Variants in IFNG-AS1 observed in about 807,000 individuals in gnomAD.
The protein encoded by IFNG-AS1 is IFNG regulatory antisense RNA 1.
At chr12:68,008,308 C>T (rs969397873) in intron 3 of IFNG-AS1, among the ~76,000 whole-genome samples, 1 of 151,568 alleles carries the variant, frequency 6.6e-6, no homozygotes, top group Admixed American at 6.6e-5. Flanking sequence ...CCCAGCTACT[C>T]GGGAGGCTGA....
intron 2 of IFNG-AS1, among the ~76,000 whole-genome samples, chr12:68,005,297 G>T (rs1198140273): frequency 1.3e-5 from 2 of 152,144 alleles, no homozygotes; most frequent in African/African-American, 4.8e-5. Flanking sequence ...TCCTTAGAGG[G>T]TTTACACCCT....
Position 68,005,214 on chromosome 12 carries a change from A to G in IFNG-AS1, n.185-876A>G, listed in dbSNP as rs547519413. Among the ~76,000 whole-genome samples, 7 of 152,318 alleles carry G rather than the reference A, an allele frequency of 4.6e-5. No individual in the cohort carries two copies. The East Asian group carries it at 1.4e-3, about 29-fold the overall frequency. ...TGCCTGCACCTACTCTCCAGAGGGAAGATCTCTGTGTCCCTCTTGAAACCA... is the reference window on the plus strand; with the variant it reads ...TGCCTGCACCTACTCTCCAGAGGGAGGATCTCTGTGTCCCTCTTGAAACCA... On this transcript the variant is annotated intron_variant and non_coding_transcript_variant, in intron 2 of 5. Coordinates refer to ENST00000536914, the Ensembl canonical transcript of IFNG-AS1.
intron 2 of IFNG-AS1, among the ~76,000 whole-genome samples, chr12:67,999,452 A>G (rs961169896): frequency 1.3e-5 from 2 of 152,218 alleles, no homozygotes; most frequent in African/African-American, 4.8e-5. Context: ...ATCTTGTGCC[A>G]GAAAGAAAAG....
chr12:68,016,940 C>T (rs1880169464), intron 3 of IFNG-AS1, among the ~76,000 whole-genome samples: 1 of 152,204 alleles, frequency 6.6e-6, no homozygotes, highest in Non-Finnish European at 1.5e-5. Flanking sequence ...TCCCTATCCT[C>T]ATGGAACTTT....
At chr12:68,007,809 T>C (rs740050) in intron 3 of IFNG-AS1, among the ~76,000 whole-genome samples, 56,478 of 151,948 alleles carry the variant, frequency 0.37, 11,532 homozygotes, top group Middle Eastern at 0.5. Flanking sequence ...GAGGCAGAGA[T>C]AGAGAAAGAC....
intron 3 of IFNG-AS1, among the ~76,000 whole-genome samples, chr12:68,012,148 C>T (rs747172373): frequency 3.3e-5 from 5 of 152,078 alleles, no homozygotes; most frequent in African/African-American, 7.2e-5. Flanking sequence ...TACTAGATTG[C>T]GGTTTACAGG....
At chr12:68,000,203 G>A (rs895188676) in intron 2 of IFNG-AS1, among the ~76,000 whole-genome samples, 1 of 152,096 alleles carries the variant, frequency 6.6e-6, no homozygotes. Flanking sequence ...TGGGAGTTCT[G>A]TGTACTGGCA....
intron 2 of IFNG-AS1, among the ~76,000 whole-genome samples, chr12:68,003,921 A>C (rs907746501): frequency 1.3e-4 from 12 of 89,518 alleles, no homozygotes; most frequent in Non-Finnish European, 2.8e-4. Context: ...AAAAAAAAAA[A>C]GAATCCGTAT....
chr12:67,998,541 G>T (rs1382670389), intron 2 of IFNG-AS1, among the ~76,000 whole-genome samples: 1 of 151,900 alleles, frequency 6.6e-6, no homozygotes, highest in Non-Finnish European at 1.5e-5. Flanking sequence ...GGGTGCAGGG[G>T]ATGATGGGGG....
At chr12:68,006,368 T>C (rs909369029) in intron 3 of IFNG-AS1, among the ~76,000 whole-genome samples, 13 of 152,372 alleles carry the variant, frequency 8.5e-5, no homozygotes, top group African/African-American at 3.1e-4. Flanking sequence ...GAAATTTTTA[T>C]GTATAAAACA....
intron 3 of IFNG-AS1, among the ~76,000 whole-genome samples, chr12:68,007,373 T>C (rs1269498214): frequency 2.0e-5 from 3 of 152,212 alleles, no homozygotes; most frequent in African/African-American, 7.2e-5. Context: ...AAGACTTTCT[T>C]CATATACCCC....
chr12:67,997,481 C>T (rs555913850), intron 2 of IFNG-AS1, among the ~76,000 whole-genome samples: 3 of 151,596 alleles, frequency 2.0e-5, no homozygotes, highest in Non-Finnish European at 4.4e-5. Flanking sequence ...ACACCATATA[C>T]AAGCATAAAG....
chr12:67,991,705 G>C (rs143150664), intron 1 of IFNG-AS1, among the ~76,000 whole-genome samples: 2 of 152,324 alleles, frequency 1.3e-5, no homozygotes, highest in African/African-American at 4.8e-5. Flanking sequence ...GTCTCAGTCA[G>C]TACTTCGTAC....
chr12:68,006,559 T>C (rs1342623768), intron 3 of IFNG-AS1, among the ~76,000 whole-genome samples: 3 of 152,198 alleles, frequency 2.0e-5, no homozygotes, highest in African/African-American at 4.8e-5. Flanking sequence ...GTTTCATCCA[T>C]AATTAGGTTA....
chr12:68,003,652 C>T (rs533769310), intron 2 of IFNG-AS1, among the ~76,000 whole-genome samples: 23 of 152,210 alleles, frequency 1.5e-4, no homozygotes, highest in Admixed American at 9.8e-4. Flanking sequence ...TGGTGGCTCA[C>T]GCCTGTAATC....
intron 2 of IFNG-AS1, among the ~76,000 whole-genome samples, chr12:67,998,159 G>A (rs1034573882): frequency 4.0e-5 from 6 of 151,828 alleles, no homozygotes; most frequent in African/African-American, 7.2e-5. Context: ...ATACACCTCC[G>A]ATAAGGCAAA....
chr12:68,005,189 TGC>T (rs1879877855), intron 2 of IFNG-AS1, among the ~76,000 whole-genome samples: 1 of 152,194 alleles, frequency 6.6e-6, no homozygotes, highest in Admixed American at 6.5e-5. Flanking sequence ...CGGGTAATAA[TGC>T]CTGCACCTAC....
chr12:68,009,531 C>T (rs967642535), intron 3 of IFNG-AS1, among the ~76,000 whole-genome samples: 28 of 152,030 alleles, frequency 1.8e-4, no homozygotes, highest in Admixed American at 1.0e-3. Flanking sequence ...TTAGTAGAGA[C>T]GGGATTTCAC....
chr12:68,009,732 A>G (rs1423073124), intron 3 of IFNG-AS1, among the ~76,000 whole-genome samples: 1 of 152,120 alleles, frequency 6.6e-6, no homozygotes, highest in Non-Finnish European at 1.5e-5. Flanking sequence ...GCTCTCCTCC[A>G]TGCAGTCATT....
Sources: allele counts gnomAD v4.1 joint callset (sites outside exome capture counted in the v4.1 genomes callset), GRCh38; gene constraint gnomAD v4.1.1; transcripts MANE v1.5; gene names NCBI Gene and HGNC (gene_info 2026-07-23, HGNC 2026-07-21).